Variants in ANO1 observed in about 807,000 individuals in gnomAD.
ANO1 encodes anoctamin-1.
In ANO1, 59 loss-of-function variants were observed where a neutral mutation model predicts 124.0. That is an observed-to-expected ratio of 0.48 (90% CI 0.39 to 0.59). ANO1 has a LOEUF of 0.59. Ranked by LOEUF, ANO1 falls within the 20% of genes least tolerant of loss-of-function variation. The pLI is 0.00. For synonymous variants in ANO1, 529 were observed against 532.0 expected (o/e 0.99, Z 0.08); for missense variants, 1,059 against 1,328.0 (o/e 0.80, Z 3.15).
chr11:69,967,255 G>A, the ANO1 span, among the ~76,000 whole-genome samples: 11 of 101,558 alleles, frequency 1.1e-4, no homozygotes, highest in Non-Finnish European at 1.4e-4. Flanking sequence ...ATCAGGTTCC[G>A]AGCGCCTGTA....
At chr11:70,113,442 G>T (rs1486356757) in intron 7 of ANO1, among the ~76,000 whole-genome samples, 1 of 151,774 alleles carries the variant, frequency 6.6e-6, no homozygotes, top group African/African-American at 2.4e-5. Context: ...CCGGGTTCCT[G>T]CCCTGAAGCC....
chr11:69,987,993 G>C (rs1202071175), intron 1 of ANO1, among the ~76,000 whole-genome samples: 3 of 152,182 alleles, frequency 2.0e-5, no homozygotes, highest in African/African-American at 4.8e-5. Flanking sequence ...GCCCCCTGCT[G>C]TGGGTAGCAG....
intron 1 of ANO1, among the ~76,000 whole-genome samples, chr11:70,013,719 C>T (rs4523717): frequency 0.78 from 118,340 of 151,360 alleles, 46,604 homozygotes; most frequent in East Asian, 1. Context: ...GGAGAATCGT[C>T]CAAACTCGGG....
chr11:69,976,257 C>T, the ANO1 span, among the ~76,000 whole-genome samples: 56 of 152,246 alleles, frequency 3.7e-4, no homozygotes, highest in African/African-American at 1.3e-3. Flanking sequence ...CGCCTGTAAT[C>T]CCAGCACTTT....
intron 7 of ANO1, 90 bp from the exon 8 acceptor site, chr11:70,116,368 C>A (rs2135430566): frequency 7.7e-7 from 1 of 1,293,312 alleles, no homozygotes; most frequent in Non-Finnish European, 1.1e-6. Context: ...ACGAGAGCTG[C>A]TGGGGTTTAT....
At chr11:69,987,604 CAAAAAAAAAA>C (rs202001305) in intron 1 of ANO1, among the ~76,000 whole-genome samples, 9 of 109,724 alleles carry the variant, frequency 8.2e-5, no homozygotes, top group African/African-American at 3.4e-4. Context: ...GACCATGTCT[CAAAAAAAAAA>C]AAAAAAAAAA....
chr11:70,107,004 G>C (rs192282654), intron 5 of ANO1, among the ~76,000 whole-genome samples: 6 of 152,312 alleles, frequency 3.9e-5, no homozygotes, highest in Admixed American at 2.0e-4. Flanking sequence ...ATCACTGCCA[G>C]TGGCCAGCTG....
Position 70,064,111 on chromosome 11 carries a change from C to T in ANO1, c.59-14431C>T, listed in dbSNP as rs541115077. On this transcript the variant is annotated intron_variant, in intron 1 of 27. Transcript: ENST00000531349. ...GGAACATCAGGCAGAGTTTGTCCTG[C>T]TTCCCTCGGGCTCCCTATATCATGT... The T allele has an allele frequency of 2.6e-5, 4 of 152,360 alleles. No individual in the cohort carries two copies. The South Asian group carries it at 8.3e-4, about 32-fold the overall frequency. The allele number at this position is 152,360 out of a possible 1,614,324, so 9.4% of individuals were successfully genotyped here.
At chr11:70,125,181 C>CA (rs978124496) in intron 9 of ANO1, among the ~76,000 whole-genome samples, 1 of 151,988 alleles carries the variant, frequency 6.6e-6, no homozygotes, top group African/African-American at 2.4e-5. Flanking sequence ...CGTCTCTACC[C>CA]AAAATACAAA....
chr11:70,008,617 C>T (rs1856537012), intron 1 of ANO1, among the ~76,000 whole-genome samples: 1 of 149,908 alleles, frequency 6.7e-6, no homozygotes, highest in African/African-American at 2.5e-5. Context: ...TTCTTTCTGC[C>T]AGTGCCAACT....
intron 1 of ANO1, among the ~76,000 whole-genome samples, chr11:70,009,832 G>A (rs1313114765): frequency 6.6e-6 from 1 of 152,000 alleles, no homozygotes; most frequent in Non-Finnish European, 1.5e-5. Flanking sequence ...ACATGGATAT[G>A]TTCTTTAGTG....
intron 21 of ANO1, among the ~76,000 whole-genome samples, chr11:70,169,669 C>T (rs935339795): frequency 6.6e-6 from 1 of 152,148 alleles, no homozygotes; most frequent in Non-Finnish European, 1.5e-5. Flanking sequence ...TCAGGCAGGA[C>T]CAGAGGCCTC....
intron 23 of ANO1, among the ~76,000 whole-genome samples, chr11:70,180,479 A>G (rs2048888835): frequency 6.6e-6 from 1 of 152,044 alleles, no homozygotes; most frequent in Admixed American, 6.6e-5. Flanking sequence ...TGACATGTTG[A>G]CCAGGCTGGT....
Position 70,084,449 on chromosome 11 carries a change from C to T in ANO1, c.109-3303C>T, listed in dbSNP as rs368882563. On this transcript the variant is annotated intron_variant, in intron 1 of 25. Transcript: ENST00000355303. The stretch of plus-strand genomic sequence containing the variant: ...ATTAGATGGAGCGTCCATCCTGGCA[C>T]GTTCTGGTCAGTGTGTGCTGAGCTT... Among the ~76,000 whole-genome samples the T allele has an allele frequency of 2.2e-4, 34 of 152,328 alleles. No homozygotes were observed. In the East Asian group the frequency reaches 4.4e-3, roughly 20 times the overall value.
intron 23 of ANO1, 67 bp downstream of exon 23, chr11:70,180,123 G>A (rs2135825938): frequency 6.9e-7 from 1 of 1,454,252 alleles, no homozygotes. Flanking sequence ...CCGGGGCCCT[G>A]TGGAGAAGGA....
At chr11:69,998,935 C>A (rs1554998798) in intron 1 of ANO1, among the ~76,000 whole-genome samples, 1 of 149,286 alleles carries the variant, frequency 6.7e-6, no homozygotes, top group African/African-American at 2.5e-5. Context: ...GCAACAAGAG[C>A]AAAACTCTGT....
intron 4 of ANO1, among the ~76,000 whole-genome samples, chr11:70,105,063 C>T (rs1016019382): frequency 2.6e-5 from 4 of 152,194 alleles, no homozygotes; most frequent in Non-Finnish European, 5.9e-5. Flanking sequence ...GGAAACCGCC[C>T]TCCTTCCAGG....
chr11:70,144,760 A>C (rs1461690173), intron 11 of ANO1, among the ~76,000 whole-genome samples: 1 of 152,120 alleles, frequency 6.6e-6, no homozygotes, highest in Non-Finnish European at 1.5e-5. Flanking sequence ...CTGTTTCTTC[A>C]TTGTACACTC....
chr11:70,153,880 C>T (rs1457367694), intron 14 of ANO1, among the ~76,000 whole-genome samples: 5 of 152,110 alleles, frequency 3.3e-5, no homozygotes, highest in Non-Finnish European at 1.5e-5. Context: ...ATTCTCATGC[C>T]TCAGCCTCCC....
Sources: allele counts gnomAD v4.1 joint callset (sites outside exome capture counted in the v4.1 genomes callset), GRCh38; gene constraint gnomAD v4.1.1; transcripts MANE v1.5; gene names NCBI Gene and HGNC (gene_info 2026-07-23, HGNC 2026-07-21).